Variants in MTMR10 observed in about 807,000 individuals in gnomAD.
MTMR10 encodes the protein myotubularin related protein 10, also known as myotubularin-related protein 10.
In MTMR10, 56 loss-of-function variants were observed where a neutral mutation model predicts 88.1. That is an observed-to-expected ratio of 0.64 (90% confidence interval 0.51 to 0.79). MTMR10 has a LOEUF of 0.79. MTMR10 is among the 30% of genes least tolerant of loss of function. The pLI, the probability that MTMR10 is intolerant of heterozygous loss-of-function variation, is 0.00. For synonymous variants in MTMR10, 380 were observed against 340.9 expected, an observed-to-expected ratio of 1.11 and a Z score of -1.26; for missense variants, 883 against 924.7, an observed-to-expected ratio of 0.95 and a Z score of 0.58.
At chr15:30,972,970 G>C (rs2063555261) in intron 5 of MTMR10, among the ~76,000 whole-genome samples, 1 of 152,142 alleles carries the variant, frequency 6.6e-6, no homozygotes, top group Non-Finnish European at 1.5e-5. Context: ...CAAGTTCTGT[G>C]ATGTCCCTAA....
Position 30,976,828 on chromosome 15 carries a change from C to A in MTMR10, c.249G>T (p.Met83Ile). Residue 83 changes from methionine (M) to isoleucine (I), a missense_variant, in exon 3 of 16, where the codon ATG becomes ATT. Transcript: ENST00000435680. ...TACTAATAAAACACACCTGTAATGG[C>A]ATTGGGTCATCTGTAATAAAGGAGA... Reference protein sequence around the residue: ...FKISFITDDPMPLQKFHYRNL... With the variant: ...FKISFITDDPIPLQKFHYRNL... 6.2e-7 allele frequency: 1 copy of A among 1,613,428 alleles called. No homozygotes were observed. Among genetic ancestry groups the A allele is most frequent in the Non-Finnish European group, 8.5e-7 (1 of 1,179,684 alleles).
At position 30,940,684 on chromosome 15, in the gene MTMR10, A is replaced by T; in HGVS notation, c.*786T>A. 1 of 987,698 alleles carries T rather than the reference A, an allele frequency of 1.0e-6. No individual in the cohort carries two copies. Among genetic ancestry groups the T allele is most frequent in the South Asian group, 4.7e-5 (1 of 21,424 alleles). 61.2% of individuals were successfully genotyped at this position (987,698 alleles called of 1,614,324 possible). On this transcript the variant is annotated 3_prime_UTR_variant, in exon 16 of 16. Coordinates refer to ENST00000435680, the MANE Select transcript of MTMR10 (RefSeq NM_017762.3). ...GCCACTCCCCAGTGGCTTTCAGAGGAACAAGACTCTGGGGACTCCTGGCTA... is the reference window on the plus strand; with the variant it reads ...GCCACTCCCCAGTGGCTTTCAGAGGTACAAGACTCTGGGGACTCCTGGCTA...
chr15:30,938,511 A>G (rs1319070976), downstream of MTMR10, among the ~76,000 whole-genome samples: 2 of 152,066 alleles, frequency 1.3e-5, no homozygotes, highest in Non-Finnish European at 2.9e-5. Context: ...ATAACTAGAT[A>G]GGGGTATTTT....
the MTMR10 span, among the ~76,000 whole-genome samples, chr15:30,920,373 G>T: frequency 6.6e-6 from 1 of 152,218 alleles, no homozygotes; most frequent in Non-Finnish European, 1.5e-5. Flanking sequence ...CTAGGACGTG[G>T]TAGCTGGCTG....
intron 14 of MTMR10, among the ~76,000 whole-genome samples, chr15:30,944,873 G>A (rs1186563597): frequency 6.6e-6 from 1 of 151,982 alleles, no homozygotes; most frequent in African/African-American, 2.4e-5. Context: ...TTAGCTAGGC[G>A]TGGTGGCATG....
At position 30,939,761 on chromosome 15, in the gene MTMR10, C is replaced by G; in HGVS notation, c.*1709G>C. 1 of 985,076 alleles carries G rather than the reference C, an allele frequency of 1.0e-6. No individual in the cohort carries two copies. The highest frequency in any genetic ancestry group is 1.2e-6 in the Non-Finnish European group (1 of 829,644). The allele number at this position is 985,076 out of a possible 1,614,324, so 61.0% of individuals were successfully genotyped here. A position where few individuals can be genotyped will look rare whatever the true frequency, so the allele number is the denominator to read the frequency against. The stretch of plus-strand genomic sequence containing the variant: ...AATGAAAAAGGGAGAATTGTGATTA[C>G]ACTGTCAATGGCAGGATACGCTGTG... On this transcript the variant is annotated 3_prime_UTR_variant, in exon 16 of 16. Transcript: ENST00000435680.
In MTMR10 at chr15:30,940,079, G is replaced by A; in HGVS notation, c.*1391C>T. The stretch of plus-strand genomic sequence containing the variant: ...ACACTTGTTTTAGAAAAGGAAATAA[G>A]CTAACTAGACACTTTACTATAAAAA... On this transcript the variant is annotated 3_prime_UTR_variant, in exon 16 of 16. Transcript: ENST00000435680. 1 of 983,260 alleles carries A rather than the reference G, an allele frequency of 1.0e-6. No homozygotes were observed. The highest frequency in any genetic ancestry group is 1.2e-6 in the Non-Finnish European group (1 of 827,952). 60.9% of individuals were successfully genotyped at this position (983,260 alleles called of 1,614,324 possible). A position where few individuals can be genotyped will look rare whatever the true frequency, so the allele number is the denominator to read the frequency against.
rs754860185 is a variant in MTMR10, at chr15:30,958,878, C to T, written c.920G>A (p.Arg307Lys). 6.2e-7 allele frequency: 1 copy of T among 1,613,844 alleles called. No homozygotes were observed. Among genetic ancestry groups the T allele is most frequent in the Non-Finnish European group, 8.5e-7 (1 of 1,179,780 alleles). The change falls in exon 9 of 16, where the codon AGG becomes AAG. Residue 307 changes from arginine (R) to lysine (K), a missense_variant. By Grantham distance (26) the Arg-to-Lys change is conservative. This residue lies in a region of MTMR10 where 414 missense variants were observed against 423.2 expected (regional missense o/e 0.98). Transcript: ENST00000435680. ...TCTCAATTACCTCTGGTCAATCTTC[C>T]TCTGCTGCAGCACGTCTTTGATGAG... ...MALIKDVLQQ[R>K]KIDQRICNAI...
At chr15:30,965,016 T>A (rs1156862673) in intron 6 of MTMR10, among the ~76,000 whole-genome samples, 1 of 152,092 alleles carries the variant, frequency 6.6e-6, no homozygotes, top group Non-Finnish European at 1.5e-5. Flanking sequence ...GGACTGTGAG[T>A]ATTAATCAGT....
chr15:30,958,343 G>A (rs777537468), intron 9 of MTMR10, among the ~76,000 whole-genome samples: 6 of 152,216 alleles, frequency 3.9e-5, no homozygotes, highest in Admixed American at 6.5e-5. Context: ...GGGCCCAGGC[G>A]GGTTTAAGGA....
intron 2 of MTMR10, among the ~76,000 whole-genome samples, chr15:30,981,276 C>A (rs536698486): frequency 6.6e-6 from 1 of 152,332 alleles, no homozygotes; most frequent in East Asian, 1.9e-4. Flanking sequence ...ATGTGGGCTG[C>A]ACTTAGTGAT....
chr15:30,963,157 T>C (rs1003228541), intron 6 of MTMR10, among the ~76,000 whole-genome samples: 2 of 152,166 alleles, frequency 1.3e-5, no homozygotes, highest in African/African-American at 4.8e-5. Flanking sequence ...GTCCATCAGT[T>C]GCACTAGCCA....
intron 2 of MTMR10, among the ~76,000 whole-genome samples, chr15:30,985,993 T>C (rs1456517801): frequency 6.6e-6 from 1 of 151,986 alleles, no homozygotes; most frequent in East Asian, 1.9e-4. Context: ...GGATAATTTG[T>C]CAAAAGAGGG....
intron 10 of MTMR10, among the ~76,000 whole-genome samples, chr15:30,954,224 T>C (rs1240050717): frequency 2.0e-5 from 3 of 152,234 alleles, no homozygotes; most frequent in Non-Finnish European, 2.9e-5. Context: ...CAAGATCTGC[T>C]GCAAGGCTGC....
At chr15:30,938,514 G>A (rs1595894370), downstream of MTMR10, among the ~76,000 whole-genome samples, 1 of 152,046 alleles carries the variant, frequency 6.6e-6, no homozygotes, top group East Asian at 1.9e-4. Context: ...ACTAGATAGG[G>A]GTATTTTCTC....
chr15:30,927,073 A>G, the MTMR10 span: 1 of 959,022 alleles, frequency 1.0e-6, no homozygotes, highest in Non-Finnish European at 1.2e-6. Context: ...GCACTTGGGG[A>G]GGCTGAGACA....
the MTMR10 span, chr15:30,922,337 T>G: frequency 1.3e-5 from 21 of 1,612,686 alleles, no homozygotes; most frequent in Non-Finnish European, 1.7e-5. Flanking sequence ...ACACCAGCAC[T>G]TGAAGCGCCT....
intron 13 of MTMR10, 104 bp downstream of exon 13, chr15:30,948,198 G>C (rs1032132870): frequency 9.4e-7 from 1 of 1,059,714 alleles, no homozygotes. Flanking sequence ...AAATTAAGTT[G>C]TACTAAATAC....
chr15:30,949,584 C>T (rs550139524), intron 12 of MTMR10: 1 of 152,146 alleles, frequency 6.6e-6, no homozygotes, highest in Non-Finnish European at 1.5e-5. Context: ...TTCACAGTGA[C>T]ATAAAAATAA....
Sources: allele counts gnomAD v4.1 joint callset (sites outside exome capture counted in the v4.1 genomes callset), GRCh38; gene constraint gnomAD v4.1.1; regional missense constraint gnomAD v4.1.1; transcripts MANE v1.5; gene names NCBI Gene and HGNC (gene_info 2026-07-23, HGNC 2026-07-21).